The following HSF2BP variants were observed in gnomAD, a reference collection of about 807,000 sequenced individuals.
The protein encoded by HSF2BP is heat shock factor 2-binding protein.
Under a neutral mutation model 35.0 loss-of-function variants are expected in HSF2BP, and 35 were observed. That is an observed-to-expected ratio of 1.00 (90% CI 0.76 to 1.32). The LOEUF is 1.32. Ranked by LOEUF, HSF2BP falls within the 40% of genes most tolerant of loss-of-function variation. HSF2BP has a pLI of 0.00. For synonymous variants in HSF2BP, 114 were observed against 117.4 expected, an observed-to-expected ratio of 0.97 and a Z score of 0.18; for missense variants, 326 against 321.7, an observed-to-expected ratio of 1.01 and a Z score of -0.10.
Position 43,630,316 on chromosome 21 carries a change from A to C in HSF2BP, c.574+6T>G, listed in dbSNP as rs2082438649. ...GGCAACATCTCTCAGGTGCGCCTGC[A>C]CTTACTCGTGACAATTCCAGCCAGA... On this transcript the variant is annotated splice_donor_region_variant and intron_variant, in intron 6 of 8. Transcript: ENST00000291560. 6.2e-7 allele frequency: 1 copy of C among 1,610,416 alleles called. No homozygotes were observed. Among genetic ancestry groups the C allele is most frequent in the South Asian group, 1.1e-5 (1 of 90,264 alleles).
At chr21:43,600,497 C>A (rs1456974712) in intron 7 of HSF2BP, among the ~76,000 whole-genome samples, 1 of 152,150 alleles carries the variant, frequency 6.6e-6, no homozygotes, top group Non-Finnish European at 1.5e-5. Context: ...ATTGGCACAG[C>A]AATATTACAT....
chr21:43,636,971 T>C (rs1000745748), intron 4 of HSF2BP, among the ~76,000 whole-genome samples: 3 of 150,018 alleles, frequency 2.0e-5, no homozygotes, highest in Non-Finnish European at 3.0e-5. Flanking sequence ...CAAATGTTTA[T>C]AGTGGCATTA....
At chr21:43,605,983 A>G (rs1048795696) in intron 7 of HSF2BP, among the ~76,000 whole-genome samples, 2 of 152,144 alleles carry the variant, frequency 1.3e-5, no homozygotes, top group Non-Finnish European at 2.9e-5. Context: ...AGTGGAATAA[A>G]CAAGGGAGGG....
chr21:43,634,450 CA>C (rs2082525308), intron 4 of HSF2BP, among the ~76,000 whole-genome samples: 1 of 151,982 alleles, frequency 6.6e-6, no homozygotes, highest in East Asian at 1.9e-4. Flanking sequence ...TCATTTATAC[CA>C]AATGTAATTA....
chr21:43,572,931 A>C (rs1439074890), intron 8 of HSF2BP, among the ~76,000 whole-genome samples: 1 of 152,252 alleles, frequency 6.6e-6, no homozygotes, highest in Non-Finnish European at 1.5e-5. Flanking sequence ...ATGACAAAAC[A>C]CACTAAGATT....
At chr21:43,625,807 T>G (rs2082382807) in intron 6 of HSF2BP, among the ~76,000 whole-genome samples, 1 of 152,152 alleles carries the variant, frequency 6.6e-6, no homozygotes, top group Admixed American at 6.5e-5. Context: ...TAAGAGTTCC[T>G]ATGTAAACCA....
chr21:43,639,780 C>G (rs1281960717), intron 4 of HSF2BP, among the ~76,000 whole-genome samples: 1 of 152,034 alleles, frequency 6.6e-6, no homozygotes, highest in Non-Finnish European at 1.5e-5. Context: ...ATTGTACTCT[C>G]GGGCATTTAT....
At chr21:43,602,709 T>C (rs564318392) in intron 7 of HSF2BP, among the ~76,000 whole-genome samples, 6 of 152,290 alleles carry the variant, frequency 3.9e-5, no homozygotes, top group East Asian at 3.9e-4. Flanking sequence ...CTCTGGCCCA[T>C]TGACAGTGAA....
intron 8 of HSF2BP, among the ~76,000 whole-genome samples, chr21:43,574,715 C>T (rs1421665337): frequency 1.3e-5 from 2 of 152,178 alleles, no homozygotes; most frequent in Non-Finnish European, 2.9e-5. Context: ...ACCCCAACAT[C>T]CACGACGCAC....
intron 5 of HSF2BP, among the ~76,000 whole-genome samples, chr21:43,631,504 C>T (rs189357358): frequency 1.4e-4 from 22 of 151,816 alleles, no homozygotes; most frequent in Admixed American, 1.4e-3. Context: ...CCTGTGTAGA[C>T]GCGATGTGCC....
chr21:43,644,745 G>A (rs1271744963), intron 3 of HSF2BP, among the ~76,000 whole-genome samples: 1 of 152,180 alleles, frequency 6.6e-6, no homozygotes, highest in East Asian at 1.9e-4. Context: ...CAGACTTGTC[G>A]CTACTCCATG....
chr21:43,633,251 GA>G lies in HSF2BP; in HGVS notation c.441+20del, dbSNP rs766259601. ...CAAGCAGTAATCAACAATATCTGGAGAGCCCACTGACCATACTTACTCCTCC... is the reference window on the plus strand; with the variant it reads ...CAAGCAGTAATCAACAATATCTGGAGGCCCACTGACCATACTTACTCCTCC... On this transcript the variant is annotated intron_variant, in intron 5 of 8. Coordinates refer to ENST00000291560, the MANE Select transcript of HSF2BP (RefSeq NM_007031.2). The G allele has an allele frequency of 6.2e-7, 1 of 1,601,338 alleles. No homozygotes were observed. The highest frequency in any genetic ancestry group is 1.1e-5 in the South Asian group (1 of 88,146).
At position 43,626,349 on chromosome 21, in the gene HSF2BP, G is replaced by A. The variant is rs1452850222; in HGVS notation, c.574+3973C>T. Among the ~76,000 whole-genome samples, 3 of 152,002 alleles carry A rather than the reference G, an allele frequency of 2.0e-5. 1 individual carries two copies. The highest frequency in any genetic ancestry group is 4.4e-5 in the Non-Finnish European group (3 of 67,976). Reference sequence around the variant, plus strand: ...GGAAAATAATAAAGCAAATAAAGCAGAGATTAAAGATCAATGTAAAAAAAA... The same window carrying A: ...GGAAAATAATAAAGCAAATAAAGCAAAGATTAAAGATCAATGTAAAAAAAA... On this transcript the variant is annotated intron_variant, in intron 6 of 8. Transcript: ENST00000291560.
Position 43,656,684 on chromosome 21 carries a change from C to T in HSF2BP, c.90G>A (p.Arg30=), listed in dbSNP as rs1421055432. ...GTATTTGCATCACTTCAGTTGTCAG[C>T]CGTTCCAGATCCTTCTTTCTGACTT... ...FVKVRKKDLE[R]LTTEVMQIRD... The change falls in exon 3 of 9, where the codon CGG becomes CGA. Residue 30 remains arginine (R), a synonymous_variant. Transcript: ENST00000291560. The T allele has an allele frequency of 6.2e-7, 1 of 1,614,000 alleles. No homozygotes were observed. Among genetic ancestry groups the T allele is most frequent in the Non-Finnish European group, 8.5e-7 (1 of 1,179,920 alleles).
Position 43,656,656 on chromosome 21 carries a change from C to G in HSF2BP, c.118G>C (p.Asp40His). The change falls in exon 3 of 9, where the codon GAC becomes CAC. Residue 40 changes from aspartate (D) to histidine (H), a missense_variant. Asp to His is a moderately conservative substitution (Grantham distance 81). Transcript: ENST00000291560. ...RLTTEVMQIR[D>H]FLPRILNGEV... ...CCATTTAGTATTCTGGGTAAGAAGT[C>G]CCGTATTTGCATCACTTCAGTTGTC... The G allele has an allele frequency of 1.2e-6, 2 of 1,613,960 alleles. No individual in the cohort carries two copies. Among genetic ancestry groups the G allele is most frequent in the Non-Finnish European group, 1.7e-6 (2 of 1,179,886 alleles).
intron 5 of HSF2BP, among the ~76,000 whole-genome samples, chr21:43,633,022 T>C (rs1270429608): frequency 1.3e-5 from 2 of 152,168 alleles, no homozygotes; most frequent in Non-Finnish European, 2.9e-5. Flanking sequence ...ACATGTAAAG[T>C]ATTAATACTG....
In HSF2BP at chr21:43,597,529, T is replaced by C. The variant is rs541360776; in HGVS notation, c.693-5201A>G. On this transcript the variant is annotated intron_variant, in intron 7 of 8. Coordinates refer to ENST00000291560, the MANE Select transcript of HSF2BP (RefSeq NM_007031.2). This position sits in a 1 kb window ranked among gnomAD's most constrained non-coding sequence, Gnocchi z 4.3. ...TAAGCAAAACTTTAATTTTTTACTT[T>C]TTTTTCCTAGAGCTAGGGTCTCACT... Among the ~76,000 whole-genome samples, 14 of 152,328 alleles carry C rather than the reference T, an allele frequency of 9.2e-5. No homozygotes were observed. In the South Asian group the frequency reaches 2.9e-3, roughly 32 times the overall value.
At chr21:43,574,148 G>A (rs1462500837) in intron 8 of HSF2BP, among the ~76,000 whole-genome samples, 2 of 152,170 alleles carry the variant, frequency 1.3e-5, no homozygotes, top group Non-Finnish European at 2.9e-5. Flanking sequence ...CCAGCATCCT[G>A]CCTTCCCCTG....
chr21:43,598,714 C>G (rs928160750), intron 7 of HSF2BP, among the ~76,000 whole-genome samples: 3 of 152,128 alleles, frequency 2.0e-5, no homozygotes, highest in Non-Finnish European at 2.9e-5. Context: ...AAAAGCTACT[C>G]ACTAGTAACC....
Sources: gnomAD v4.1 joint callset for allele counts (sites outside exome capture counted in the v4.1 genomes callset) on GRCh38, gnomAD v4.1.1 for gene constraint, Gnocchi (gnomAD v3.1) non-coding constraint, MANE v1.5 for transcripts, NCBI Gene and HGNC (gene_info 2026-07-23, HGNC 2026-07-21) for gene names.